Variants in RAD51B observed in about 807,000 individuals in gnomAD.
The protein encoded by RAD51B is RAD51 paralog B, also known as DNA repair protein RAD51 homolog 2.
A neutral mutation model predicts 42.2 loss-of-function variants in RAD51B; 38 were observed. The ratio of observed to expected loss-of-function variants is 0.90; its 90% CI spans 0.70 to 1.18. The LOEUF is 1.18. Ranked by LOEUF, RAD51B falls within the 50% of genes most tolerant of loss-of-function variation. The pLI, the probability that RAD51B is intolerant of heterozygous loss-of-function variation, is 0.00. For missense variants in RAD51B, 373 were observed against 400.7 expected, an observed-to-expected ratio of 0.93 and a Z score of 0.59; for synonymous variants, 154 against 145.2, an observed-to-expected ratio of 1.06 and a Z score of -0.43.
chr14:68,285,826 T>A (rs1177287880), intron 7 of RAD51B, among the ~76,000 whole-genome samples: 1 of 152,170 alleles, frequency 6.6e-6, no homozygotes, highest in Non-Finnish European at 1.5e-5. Context: ...GTTTCAAAAC[T>A]TCCCGTGGGC....
intron 10 of RAD51B, among the ~76,000 whole-genome samples, chr14:68,510,518 G>A (rs1260479923): frequency 6.6e-6 from 1 of 152,198 alleles, no homozygotes; most frequent in Non-Finnish European, 1.5e-5. Context: ...AGAAGCCCTG[G>A]GTCCTGTTGG....
intron 7 of RAD51B, among the ~76,000 whole-genome samples, chr14:68,238,896 T>G (rs2080324540): frequency 6.6e-6 from 1 of 152,200 alleles, no homozygotes. Flanking sequence ...TCTGGATCTA[T>G]ATCAGAGAAC....
At chr14:68,441,629 C>T (rs1160460365) in intron 9 of RAD51B, among the ~76,000 whole-genome samples, 2 of 151,500 alleles carry the variant, frequency 1.3e-5, no homozygotes, top group Non-Finnish European at 2.9e-5. Context: ...ATGTGGGTAC[C>T]TGGAAAAATT....
chr14:68,241,939 A>G (rs1343659556), intron 7 of RAD51B, among the ~76,000 whole-genome samples: 1 of 152,220 alleles, frequency 6.6e-6, no homozygotes, highest in Non-Finnish European at 1.5e-5. Flanking sequence ...TGATTCTGGC[A>G]GTGTCTGCCG....
intron 7 of RAD51B, among the ~76,000 whole-genome samples, chr14:68,247,155 C>T (rs1185917518): frequency 6.6e-6 from 1 of 152,046 alleles, no homozygotes; most frequent in South Asian, 2.1e-4. Context: ...CTTGGATAGG[C>T]TGGCTAACTC....
Position 67,894,447 on chromosome 14 carries a change from C to T in RAD51B, c.756+7243C>T, listed in dbSNP as rs115166812. ...TTTTGTCTTTCCTTTTCGATTCCAC[C>T]TACAGCACTTGTGTCCAAAACTCCA... On this transcript the variant is annotated intron_variant, in intron 7 of 10. Transcript: ENST00000471583. Among the ~76,000 whole-genome samples the T allele has an allele frequency of 8.9e-3, 1,353 of 152,206 alleles. 20 individuals carry two copies. The highest frequency in any genetic ancestry group is 0.031 in the African/African-American group (1,274 of 41,506).
chr14:68,576,763 TAGTA>T (rs985496837), intron 10 of RAD51B, among the ~76,000 whole-genome samples: 34 of 152,140 alleles, frequency 2.2e-4, no homozygotes, highest in Non-Finnish European at 4.6e-4. Context: ...GGCATGATGT[TAGTA>T]AGGAAGGGGT....
chr14:68,500,106 T>C lies in RAD51B; in HGVS notation c.1036+31856T>C, dbSNP rs574976909. 4.6e-5 allele frequency among the ~76,000 whole-genome samples: 7 copies of C among 152,270 alleles called. No individual in the cohort carries two copies. The South Asian group carries it at 1.5e-3, about 32-fold the overall frequency. On this transcript the variant is annotated intron_variant, in intron 10 of 10. Coordinates refer to the RAD51B transcript ENST00000487270. ...CTTCCCTCTTGCGTTCCTCATACAT[T>C]AACTTCTCATGGCAGAGATCGGAGC...
downstream of RAD51B, among the ~76,000 whole-genome samples, chr14:68,480,297 G>A (rs887702180): frequency 2.6e-5 from 4 of 152,176 alleles, no homozygotes; most frequent in East Asian, 3.9e-4. Context: ...GGCTGGTCTC[G>A]AACTCCTGTC....
intron 7 of RAD51B, among the ~76,000 whole-genome samples, chr14:67,909,324 C>A (rs2043886971): frequency 6.6e-6 from 1 of 152,102 alleles, no homozygotes; most frequent in Admixed American, 6.6e-5. Context: ...TTTGTAGACA[C>A]TGAAGAGTGG....
intron 10 of RAD51B, among the ~76,000 whole-genome samples, chr14:68,619,881 C>T (rs550958996): frequency 1.3e-5 from 2 of 152,328 alleles, no homozygotes; most frequent in Admixed American, 6.5e-5. Flanking sequence ...CTTAAGTCCC[C>T]TTTTGAGGCT....
At chr14:67,876,112 C>G (rs2042718122) in intron 5 of RAD51B, among the ~76,000 whole-genome samples, 1 of 151,940 alleles carries the variant, frequency 6.6e-6, no homozygotes, top group Admixed American at 6.6e-5. Context: ...GTACTTATTA[C>G]TGTAACAAAG....
chr14:68,556,582 C>T (rs1174263505), intron 10 of RAD51B, among the ~76,000 whole-genome samples: 5 of 152,068 alleles, frequency 3.3e-5, no homozygotes, highest in African/African-American at 4.8e-5. Context: ...CTTTTAAGAG[C>T]GTGAAACCTG....
chr14:68,152,966 T>C lies in RAD51B; in HGVS notation c.757-138918T>C, dbSNP rs149333936. Among the ~76,000 whole-genome samples, 982 of 152,330 alleles carry C rather than the reference T, an allele frequency of 6.4e-3. 6 individuals are homozygous for C. The highest frequency in any genetic ancestry group is 1.0e-2 in the Non-Finnish European group (677 of 68,022). ...TTTATGGCTGTGTAGTATTCCATAG[T>C]GTATATATATCACATTTTCTTTTTC... On this transcript the variant is annotated intron_variant, in intron 7 of 10. Transcript: ENST00000471583.
intron 8 of RAD51B, among the ~76,000 whole-genome samples, chr14:68,353,938 G>A (rs904598925): frequency 2.0e-5 from 3 of 152,204 alleles, no homozygotes; most frequent in African/African-American, 7.2e-5. Flanking sequence ...GTCTCTAGGG[G>A]TTGTGCCTAA....
chr14:68,623,922 G>A (rs566630135), intron 10 of RAD51B, among the ~76,000 whole-genome samples: 1 of 152,312 alleles, frequency 6.6e-6, no homozygotes, highest in East Asian at 1.9e-4. Flanking sequence ...GTAAAGATTT[G>A]CAGTGAGTAT....
chr14:68,092,378 G>A (rs1340500820), intron 7 of RAD51B, among the ~76,000 whole-genome samples: 1 of 152,088 alleles, frequency 6.6e-6, no homozygotes, highest in Non-Finnish European at 1.5e-5. Flanking sequence ...ATTTCATTGA[G>A]CAGTGGTTTG....
chr14:68,582,002 T>C (rs1408985836), intron 10 of RAD51B, among the ~76,000 whole-genome samples: 3 of 152,144 alleles, frequency 2.0e-5, no homozygotes, highest in Non-Finnish European at 4.4e-5. Context: ...TATACAAAAA[T>C]TAACTCAAGA....
rs182990605 is a variant in RAD51B, at chr14:68,041,556, A to G, written c.756+154352A>G. Among the ~76,000 whole-genome samples the G allele has an allele frequency of 3.3e-5, 5 of 151,158 alleles. No individual in the cohort carries two copies. In the East Asian group the frequency reaches 9.7e-4, roughly 29 times the overall value. The stretch of plus-strand genomic sequence containing the variant: ...AGGACTAGCCTGAGGGTCAACATTT[A>G]TACTCTCTTTTTTTTTTTTAATCCT... On this transcript the variant is annotated intron_variant, in intron 7 of 10. Coordinates refer to ENST00000471583, the MANE Select transcript of RAD51B (RefSeq NM_133510.4).
Sources: allele counts gnomAD v4.1 joint callset (sites outside exome capture counted in the v4.1 genomes callset), GRCh38; gene constraint gnomAD v4.1.1; transcripts MANE v1.5; gene names NCBI Gene and HGNC (gene_info 2026-07-23, HGNC 2026-07-21).